The following RPS15A variants were observed in gnomAD, a reference collection of about 807,000 sequenced individuals.
RPS15A encodes the protein small ribosomal subunit protein uS8.
For synonymous variants in RPS15A, 55 were observed against 58.5 expected (o/e 0.94, Z 0.27); for missense variants, 62 against 163.4 (o/e 0.38, Z 3.38).
intron 2 of RPS15A, 113 bp from the exon 3 acceptor site, chr16:18,788,255 CAAA>C: frequency 1.4e-6 from 1 of 704,326 alleles, no homozygotes; most frequent in East Asian, 2.5e-5. Context: ...ACTGCTTCTC[CAAA>C]AAGTTGGGGG....
intron 1 of RPS15A, 48 bp from the exon 2 acceptor site, chr16:18,789,166 C>A: frequency 6.4e-7 from 1 of 1,555,352 alleles, no homozygotes; most frequent in Non-Finnish European, 8.7e-7. Flanking sequence ...TTGCCAACAT[C>A]AACAGACACC....
At chr16:18,783,776 C>T in intron 4 of RPS15A, 1 of 451,290 alleles carries the variant, frequency 2.2e-6, no homozygotes. Context: ...AAAATTAAAT[C>T]AGGTGATAAA....
chr16:18,783,907 C>T (rs987134039), intron 4 of RPS15A: 4 of 346,552 alleles, frequency 1.2e-5, no homozygotes, highest in African/African-American at 8.6e-5. Context: ...AGGACAAAGA[C>T]TCCCAAACTA....
chr16:18,784,666 A>C, intron 4 of RPS15A, 72 bp downstream of exon 4: 1 of 1,197,004 alleles, frequency 8.4e-7, no homozygotes, highest in Non-Finnish European at 1.2e-6. Context: ...AAAAGAAAAA[A>C]ACCCTTAAGT....
intron 4 of RPS15A, 192 bp downstream of exon 4, chr16:18,784,546 A>T: frequency 1.9e-6 from 1 of 536,148 alleles, no homozygotes; most frequent in Non-Finnish European, 3.3e-6. Flanking sequence ...GTGCCTGGCC[A>T]ACCCTGTCTC....
At chr16:18,789,387 ACGTCTGGAGAT>A (rs1396967580) in intron 1 of RPS15A, among the ~76,000 whole-genome samples, 1 of 152,206 alleles carries the variant, frequency 6.6e-6, no homozygotes. Context: ...CCACACACCA[ACGTCTGGAGAT>A]AATAAAATGT....
rs1165161098 is a variant in RPS15A at position 18,781,884 on chromosome 16, GGCAAA to G, written c.*1120_*1124del. The G allele has an allele frequency of 6.7e-6, 1 of 148,384 alleles. No individual in the cohort carries two copies. Among genetic ancestry groups the G allele is most frequent in the Non-Finnish European group, 1.5e-5 (1 of 66,998 alleles). 9.2% of individuals were successfully genotyped at this position (148,384 alleles called of 1,614,324 possible). A position where few individuals can be genotyped will look rare whatever the true frequency, so the allele number is the denominator to read the frequency against. Reference sequence around the variant, plus strand: ...TTGGCACACCACCTAGCTAGCCAAGGGCAAAGCAGAGACTAGGGGACAGGCCCCAG... The same window carrying G: ...TTGGCACACCACCTAGCTAGCCAAGGGCAGAGACTAGGGGACAGGCCCCAG... On this transcript the variant is annotated 3_prime_UTR_variant, in exon 5 of 5. Coordinates refer to ENST00000322989, the MANE Select transcript of RPS15A (RefSeq NM_001019.5).
In RPS15A at chr16:18,782,976, G is replaced by A. The variant is rs1903989048; in HGVS notation, c.*33C>T. 1 of 1,313,334 alleles carries A rather than the reference G, an allele frequency of 7.6e-7. No homozygotes were observed. Among genetic ancestry groups the A allele is most frequent in the Non-Finnish European group, 1.1e-6 (1 of 922,678 alleles). 81.4% of individuals were successfully genotyped at this position (1,313,334 alleles called of 1,614,324 possible). ...CAAGTGGAAGCACCAGAGTCCATGA[G>A]GCATTTTATTTGTAAATATATGTAT... On this transcript the variant is annotated 3_prime_UTR_variant, in exon 5 of 5. Coordinates refer to ENST00000322989, the MANE Select transcript of RPS15A (RefSeq NM_001019.5).
At chr16:18,783,284 A>G (rs1903993671) in intron 4 of RPS15A, 182 bp from the exon 5 acceptor site, 4 of 554,426 alleles carry the variant, frequency 7.2e-6, no homozygotes, top group East Asian at 6.0e-5. Flanking sequence ...CCTGCAACCC[A>G]AAGAGCCAAA....
intron 4 of RPS15A, 98 bp from the exon 5 acceptor site, chr16:18,783,200 C>T: frequency 1.3e-6 from 1 of 770,998 alleles, no homozygotes; most frequent in South Asian, 1.6e-5. Flanking sequence ...GTTAAGGGCG[C>T]TTTCCTGTGG....
Position 18,782,764 on chromosome 16 carries a change from T to A in RPS15A, c.*245A>T. On this transcript the variant is annotated 3_prime_UTR_variant, in exon 5 of 5. Coordinates refer to ENST00000322989, the MANE Select transcript of RPS15A (RefSeq NM_001019.5). ...AAAAAAAACTGAAATACAACTAAAA[T>A]ATTTAGTGTCAAATACCTGGTTTTG... 1 of 321,298 alleles carries A rather than the reference T, an allele frequency of 3.1e-6. No homozygotes were observed. The highest frequency in any genetic ancestry group is 5.6e-6 in the Non-Finnish European group (1 of 177,036). The allele number at this position is 321,298 out of a possible 1,614,324, so 19.9% of individuals were successfully genotyped here. A position where few individuals can be genotyped will look rare whatever the true frequency, so the allele number is the denominator to read the frequency against.
At chr16:18,788,256 A>C in intron 2 of RPS15A, 114 bp from the exon 3 acceptor site, 2 of 701,636 alleles carry the variant, frequency 2.9e-6, no homozygotes, top group Non-Finnish European at 5.0e-6. Flanking sequence ...CTGCTTCTCC[A>C]AAAAGTTGGG....
chr16:18,789,404 A>G (rs1306136301), intron 1 of RPS15A, among the ~76,000 whole-genome samples: 1 of 152,230 alleles, frequency 6.6e-6, no homozygotes, highest in Non-Finnish European at 1.5e-5. Context: ...GAGATAATAA[A>G]ATGTGGGACA....
intron 3 of RPS15A, chr16:18,786,451 C>T (rs1473091818): frequency 6.5e-6 from 1 of 154,744 alleles, no homozygotes; most frequent in Non-Finnish European, 1.5e-5. Context: ...AAGGGTGCCA[C>T]AAATAAGTTC....
chr16:18,785,317 C>G (rs1904030527), intron 3 of RPS15A: 1 of 152,288 alleles, frequency 6.6e-6, no homozygotes, highest in Non-Finnish European at 1.5e-5. Flanking sequence ...TACATATTTC[C>G]AAGAAACAAT....
intron 3 of RPS15A, 77 bp from the exon 4 acceptor site, chr16:18,784,900 T>G: frequency 8.2e-7 from 1 of 1,218,084 alleles, no homozygotes; most frequent in Non-Finnish European, 1.2e-6. Flanking sequence ...AAGATGACAT[T>G]CATAAATAAA....
Position 18,789,087 on chromosome 16 carries a change from A to G in RPS15A, c.27T>C (p.Asp9=). 6.2e-7 allele frequency: 1 copy of G among 1,613,966 alleles called. No homozygotes were observed. Among genetic ancestry groups the G allele is most frequent in the Non-Finnish European group, 8.5e-7 (1 of 1,179,960 alleles). ...CGGCATTGTTGATACTCTTGAGAGC[A>G]TCTGCCAGGACATTCATGCGCACCA... The part of the protein sequence containing the change: MVRMNVLA[D]ALKSINNAEK... The change falls in exon 2 of 5, where the codon GAT becomes GAC. Residue 9 remains aspartate, a synonymous_variant. Coordinates refer to ENST00000322989, the MANE Select transcript of RPS15A (RefSeq NM_001019.5).
At chr16:18,785,112 G>A in intron 3 of RPS15A, 1 of 293,164 alleles carries the variant, frequency 3.4e-6, no homozygotes, top group East Asian at 6.3e-5. Context: ...GAGCTGTCCA[G>A]GATGATCAGA....
rs971707931 is a variant in RPS15A, at chr16:18,786,270, C to A, written c.214-1447G>T. 19 of 208,614 alleles carry A rather than the reference C, an allele frequency of 9.1e-5. No homozygotes were observed. The East Asian group carries it at 3.2e-3, about 35-fold the overall frequency. 12.9% of individuals were successfully genotyped at this position (208,614 alleles called of 1,614,324 possible). On this transcript the variant is annotated intron_variant, in intron 3 of 4. Coordinates refer to ENST00000322989, the MANE Select transcript of RPS15A (RefSeq NM_001019.5). ...ATCTCAGCTACTAGGGAGGCTGAGG[C>A]AGGAGAATCGCTTGAACCTGGGAGA...
Sources: gnomAD v4.1 joint callset for allele counts (sites outside exome capture counted in the v4.1 genomes callset) on GRCh38, gnomAD v4.1.1 for gene constraint, MANE v1.5 for transcripts, NCBI Gene and HGNC (gene_info 2026-07-23, HGNC 2026-07-21) for gene names.